Variants in VPS8 observed in about 807,000 individuals in gnomAD.
VPS8 encodes the protein VPS8 subunit of CORVET complex.
A neutral mutation model predicts 216.4 loss-of-function variants in VPS8; 129 were observed. The ratio of observed to expected loss-of-function variants is 0.60; its 90% CI spans 0.52 to 0.69. The LOEUF (loss-of-function observed/expected upper bound fraction) is 0.69, where lower values mean the gene tolerates loss of function less well. Ranked by LOEUF, VPS8 falls within the 30% of genes least tolerant of loss-of-function variation. The pLI is 0.00. For missense variants in VPS8, 1,531 were observed against 1,683.5 expected, an observed-to-expected ratio of 0.91 and a Z score of 1.59; for synonymous variants, 571 against 565.4, an observed-to-expected ratio of 1.01 and a Z score of -0.14.
chr3:184,851,103 C>G (rs1324989164), intron 10 of VPS8, among the ~76,000 whole-genome samples: 1 of 151,852 alleles, frequency 6.6e-6, no homozygotes, highest in East Asian at 1.9e-4. Context: ...ATAGTAGCTG[C>G]TCAATAAATA....
rs1406900167 is a variant in VPS8, at chr3:184,956,775, C to T, written c.3036-599C>T. Among the ~76,000 whole-genome samples the T allele has an allele frequency of 3.9e-5, 6 of 152,200 alleles. 2 individuals are homozygous for T. The South Asian group carries it at 1.0e-3, about 26-fold the overall frequency. On this transcript the variant is annotated intron_variant, in intron 36 of 47. Coordinates refer to ENST00000625842, the MANE Select transcript of VPS8 (RefSeq NM_001009921.3). ...GTAGCTGGTGTACTAGGCAAATGAA[C>T]CCATAAATATTGTGTATTTTAGTAT...
chr3:184,936,150 G>A, intron 34 of VPS8, 96 bp from the exon 35 acceptor site: 1 of 995,160 alleles, frequency 1.0e-6, no homozygotes. Flanking sequence ...ATGGAAGCTT[G>A]CGACTGTATT....
At chr3:185,043,396 C>G (rs1712129929) in intron 46 of VPS8, among the ~76,000 whole-genome samples, 1 of 152,186 alleles carries the variant, frequency 6.6e-6, no homozygotes, top group African/African-American at 2.4e-5. Context: ...ATTTCCCTTC[C>G]CAGCCCTTCC....
At chr3:184,990,526 T>C (rs1751754222) in intron 42 of VPS8, among the ~76,000 whole-genome samples, 1 of 152,246 alleles carries the variant, frequency 6.6e-6, no homozygotes. Context: ...GTGTTCATTA[T>C]CTTCTCTGAT....
At chr3:184,971,611 A>G (rs756319323) in intron 39 of VPS8, 38 bp from the exon 40 acceptor site, 3 of 1,530,884 alleles carry the variant, frequency 2.0e-6, no homozygotes, top group East Asian at 2.3e-5. Flanking sequence ...TATCAGCAAC[A>G]TATCCTTAAA....
intron 21 of VPS8, among the ~76,000 whole-genome samples, chr3:184,874,879 G>C (rs897420894): frequency 6.6e-5 from 10 of 152,096 alleles, no homozygotes; most frequent in African/African-American, 2.4e-4. Flanking sequence ...TGTCCTATGG[G>C]ATTAGCCGTA....
intron 21 of VPS8, among the ~76,000 whole-genome samples, chr3:184,884,368 C>T (rs901802320): frequency 6.6e-6 from 1 of 152,088 alleles, no homozygotes; most frequent in African/African-American, 2.4e-5. Flanking sequence ...TGATGGTTTC[C>T]AGCTTCATCC....
chr3:184,838,633 T>C, intron 5 of VPS8, 81 bp from the exon 6 acceptor site: 1 of 1,130,822 alleles, frequency 8.8e-7, no homozygotes, highest in Non-Finnish European at 1.3e-6. Flanking sequence ...GGAGCAAGTA[T>C]ATGTAAAGCA....
intron 14 of VPS8, among the ~76,000 whole-genome samples, chr3:184,859,616 C>G (rs1341875869): frequency 6.6e-6 from 1 of 152,162 alleles, no homozygotes; most frequent in Non-Finnish European, 1.5e-5. Flanking sequence ...TGCAGCATCT[C>G]TTTTTCTTTA....
intron 1 of VPS8, among the ~76,000 whole-genome samples, chr3:184,823,821 T>A (rs931037415): frequency 5.3e-5 from 8 of 152,248 alleles, no homozygotes; most frequent in Non-Finnish European, 1.0e-4. Flanking sequence ...ATCTGTGATT[T>A]TTGATATAAG....
chr3:185,027,522 G>A (rs1232706776), intron 46 of VPS8, among the ~76,000 whole-genome samples: 1 of 152,078 alleles, frequency 6.6e-6, no homozygotes, highest in Non-Finnish European at 1.5e-5. Flanking sequence ...GATTACAGGC[G>A]TGAGCCACCG....
At chr3:184,813,811 A>T (rs1715712148) in intron 1 of VPS8, 1 of 152,218 alleles carries the variant, frequency 6.6e-6, no homozygotes, top group African/African-American at 2.4e-5. Flanking sequence ...AACCAGTGTG[A>T]CACAAAATGT....
At position 184,892,454 on chromosome 3, in the gene VPS8, T is replaced by C. The variant is rs535627794; in HGVS notation, c.1782-2249T>C. ...CTGGTGTCAAACTCCTGACCTCAAG[T>C]GATCTGCCTGCCTTGGCCTCCCGAA... On this transcript the variant is annotated intron_variant, in intron 22 of 47. Transcript: ENST00000625842. Among the ~76,000 whole-genome samples, 290 of 152,274 alleles carry C rather than the reference T, an allele frequency of 1.9e-3. 3 individuals are homozygous for C. The highest frequency in any genetic ancestry group is 0.017 in the Middle Eastern group (5 of 294).
chr3:184,863,742 C>T (rs186991173), intron 16 of VPS8, among the ~76,000 whole-genome samples: 1 of 152,080 alleles, frequency 6.6e-6, no homozygotes, highest in Admixed American at 6.6e-5. Context: ...AACCACAAAT[C>T]TTTAAGTAGG....
At chr3:184,967,632 G>A (rs1239514732) in intron 39 of VPS8, among the ~76,000 whole-genome samples, 1 of 152,076 alleles carries the variant, frequency 6.6e-6, no homozygotes. Flanking sequence ...GAGGTCAGGA[G>A]TTCGAGATCA....
Position 184,869,506 on chromosome 3 carries a change from G to C in VPS8, c.1622G>C (p.Arg541Pro). The C allele has an allele frequency of 6.2e-7, 1 of 1,613,478 alleles. No homozygotes were observed. The highest frequency in any genetic ancestry group is 2.2e-5 in the East Asian group (1 of 44,856). The change falls in exon 20 of 48, where the codon CGA becomes CCA. Residue 541 changes from arginine (R) to proline (P), a missense_variant. By Grantham distance (103) the Arg-to-Pro change is moderately radical (BLOSUM62 -2). This residue lies in a region of VPS8 where 1,318 missense variants were observed against 1,468.4 expected (regional missense o/e 0.90). Transcript: ENST00000625842. The part of the protein sequence containing the change: ...VVGLSGDASK[R>P]KAIVADRMVE... ...GGATTATCAGGGGATGCCAGTAAGC[G>C]AAAGGCTATTGTTGCAGACCGGGTG...
At chr3:184,847,724 CA>C (rs1723411530) in intron 8 of VPS8, among the ~76,000 whole-genome samples, 1 of 152,032 alleles carries the variant, frequency 6.6e-6, no homozygotes, top group Non-Finnish European at 1.5e-5. Context: ...GAACTCTAGA[CA>C]AAATAAGCAT....
In VPS8 at chr3:185,041,210, GA is replaced by G. The variant is rs1254700081; in HGVS notation, c.4057-7257del. On this transcript the variant is annotated intron_variant, in intron 46 of 47. Coordinates refer to ENST00000625842, the MANE Select transcript of VPS8 (RefSeq NM_001009921.3). ...ACAAGAGCGAAACTCCATCTCAAAGGAAAAAAAAAAAAGCCAAGGATAGAGC... is the reference window on the plus strand; with the variant it reads ...ACAAGAGCGAAACTCCATCTCAAAGGAAAAAAAAAAAGCCAAGGATAGAGC... Among the ~76,000 whole-genome samples, 638 of 136,156 alleles carry G rather than the reference GA, an allele frequency of 4.7e-3. 3 individuals are homozygous for G. Among genetic ancestry groups the G allele is most frequent in the African/African-American group, 0.015 (546 of 37,278 alleles). 89.3% of individuals were successfully genotyped at this position (136,156 alleles called of 152,430 possible).
At chr3:185,051,755 C>G in intron 47 of VPS8, 121 bp from the exon 48 acceptor site, 2 of 1,230,128 alleles carry the variant, frequency 1.6e-6, no homozygotes. Context: ...GATTCAAACC[C>G]TGCATGTTAC....
Sources: allele counts gnomAD v4.1 joint callset (sites outside exome capture counted in the v4.1 genomes callset), GRCh38; gene constraint gnomAD v4.1.1; regional missense constraint gnomAD v4.1.1; transcripts MANE v1.5; gene names NCBI Gene and HGNC (gene_info 2026-07-23, HGNC 2026-07-21).